Variants in EYS observed in about 807,000 individuals in gnomAD.
EYS encodes EGF-like photoreceptor maintenance factor.
In EYS, 250 loss-of-function variants were observed where a neutral mutation model predicts 282.1. The observed-to-expected ratio is 0.89, with a 90% CI of 0.80 to 0.98. EYS has a LOEUF of 0.98. EYS is among the 50% of genes least tolerant of loss of function. The probability of loss-of-function intolerance (pLI) is 0.00; values close to 1 mark genes in which losing one functional copy is unlikely to be tolerated. For missense variants in EYS, 4,016 were observed against 3,709.0 expected (o/e 1.08, Z -2.15); for synonymous variants, 1,355 against 1,282.9 (o/e 1.06, Z -1.20).
At chr6:64,249,131 A>G (rs1226409811) in intron 30 of EYS, among the ~76,000 whole-genome samples, 1 of 151,978 alleles carries the variant, frequency 6.6e-6, no homozygotes, top group Non-Finnish European at 1.5e-5. Flanking sequence ...CACAATATCA[A>G]AAATATAGAA....
chr6:65,188,305 G>A (rs1381748799), intron 12 of EYS, among the ~76,000 whole-genome samples: 1 of 151,426 alleles, frequency 6.6e-6, no homozygotes, highest in African/African-American at 2.4e-5. Flanking sequence ...AAAAGTTAAT[G>A]GAAATAAAAA....
At chr6:64,261,067 A>T (rs1300019412) in intron 30 of EYS, among the ~76,000 whole-genome samples, 1 of 152,024 alleles carries the variant, frequency 6.6e-6, no homozygotes, top group African/African-American at 2.4e-5. Context: ...TAAAATACAC[A>T]ATAAATTATT....
At chr6:64,702,783 CAT>C (rs1770836108) in intron 22 of EYS, among the ~76,000 whole-genome samples, 1 of 152,090 alleles carries the variant, frequency 6.6e-6, no homozygotes, top group Non-Finnish European at 1.5e-5. Flanking sequence ...TGAATACAGA[CAT>C]AAATATTTAA....
intron 31 of EYS, among the ~76,000 whole-genome samples, chr6:64,196,724 TCA>T (rs1765299918): frequency 7.7e-6 from 1 of 130,566 alleles, no homozygotes; most frequent in Admixed American, 8.9e-5. Flanking sequence ...AAGGGGAACA[TCA>T]CACTCTGGGG....
At chr6:65,572,540 T>G (rs537779731) in intron 2 of EYS, among the ~76,000 whole-genome samples, 95 of 152,272 alleles carry the variant, frequency 6.2e-4, no homozygotes, top group South Asian at 2.5e-3. Context: ...TTTTATCATA[T>G]GCAGGGGAAA....
intron 1 of EYS, among the ~76,000 whole-genome samples, chr6:65,649,660 G>C (rs1767582800): frequency 6.6e-6 from 1 of 152,062 alleles, no homozygotes; most frequent in Non-Finnish European, 1.5e-5. Flanking sequence ...TTAGACCATT[G>C]ATGAGTTCGC....
intron 35 of EYS, among the ~76,000 whole-genome samples, chr6:63,965,613 G>A (rs1766269152): frequency 6.6e-6 from 1 of 152,138 alleles, no homozygotes; most frequent in African/African-American, 2.4e-5. Context: ...CATGAGTAAA[G>A]AGCTTTTTCT....
At chr6:64,237,124 G>A (rs1312861485) in intron 30 of EYS, among the ~76,000 whole-genome samples, 1 of 151,814 alleles carries the variant, frequency 6.6e-6, no homozygotes, top group Non-Finnish European at 1.5e-5. Flanking sequence ...CAAATTTTTT[G>A]CTGTTTAACA....
chr6:65,106,946 T>C (rs1775057295), intron 12 of EYS, among the ~76,000 whole-genome samples: 1 of 152,024 alleles, frequency 6.6e-6, no homozygotes, highest in Admixed American at 6.6e-5. Context: ...TTAATATTAT[T>C]TATCCTCACA....
intron 5 of EYS, among the ~76,000 whole-genome samples, chr6:65,441,687 C>T (rs1768334307): frequency 1.3e-5 from 2 of 151,962 alleles, no homozygotes; most frequent in African/African-American, 4.8e-5. Context: ...GCAAAGTCAA[C>T]CTACAAAATA....
intron 26 of EYS, among the ~76,000 whole-genome samples, chr6:64,499,888 T>C (rs1169515971): frequency 6.6e-6 from 1 of 152,178 alleles, no homozygotes; most frequent in Non-Finnish European, 1.5e-5. Context: ...CCGTGCTCAT[T>C]GAAGAGGCCT....
At chr6:63,884,236 A>G (rs1773206725) in intron 35 of EYS, among the ~76,000 whole-genome samples, 1 of 152,226 alleles carries the variant, frequency 6.6e-6, no homozygotes, top group South Asian at 2.1e-4. Flanking sequence ...CATGCATTTG[A>G]AACAGTCTCT....
At chr6:64,619,882 A>C (rs1255175325) in intron 23 of EYS, among the ~76,000 whole-genome samples, 2 of 152,168 alleles carry the variant, frequency 1.3e-5, no homozygotes, top group African/African-American at 2.4e-5. Context: ...TCAAAGAGAC[A>C]GAGAAATAAT....
At chr6:64,831,234 T>C (rs1765204530) in intron 19 of EYS, among the ~76,000 whole-genome samples, 1 of 152,018 alleles carries the variant, frequency 6.6e-6, no homozygotes, top group Non-Finnish European at 1.5e-5. Context: ...CTTTTAAATT[T>C]TTTTGTCAAA....
intron 22 of EYS, among the ~76,000 whole-genome samples, chr6:64,677,330 T>A (rs1302863170): frequency 2.6e-5 from 4 of 152,092 alleles, no homozygotes; most frequent in Admixed American, 1.3e-4. Context: ...ACTGGTTTTT[T>A]AAAAAAACGC....
At chr6:64,690,469 T>C (rs138299792) in intron 22 of EYS, among the ~76,000 whole-genome samples, 1,747 of 152,234 alleles carry the variant, frequency 0.011, 25 homozygotes, top group Non-Finnish European at 0.018. Context: ...CCAAAGATCC[T>C]ATTATTGGGT....
At chr6:65,276,434 CACTT>C (rs1322460562) in intron 12 of EYS, among the ~76,000 whole-genome samples, 2 of 151,788 alleles carry the variant, frequency 1.3e-5, no homozygotes, top group Non-Finnish European at 2.9e-5. Context: ...AGATTCCTGA[CACTT>C]AGTTAAGACT....
At chr6:64,117,155 A>T (rs1381843862) in intron 31 of EYS, among the ~76,000 whole-genome samples, 1 of 152,062 alleles carries the variant, frequency 6.6e-6, no homozygotes, top group East Asian at 1.9e-4. Flanking sequence ...TCCAGCATAG[A>T]TTGTATTTTA....
chr6:64,099,776 T>C (rs1214458783), intron 31 of EYS, among the ~76,000 whole-genome samples: 1 of 152,172 alleles, frequency 6.6e-6, no homozygotes, highest in Non-Finnish European at 1.5e-5. Flanking sequence ...AAGTTACTGC[T>C]AGCTGGTGGG....
Sources: gnomAD v4.1 joint callset for allele counts (sites outside exome capture counted in the v4.1 genomes callset) on GRCh38, gnomAD v4.1.1 for gene constraint, MANE v1.5 for transcripts, NCBI Gene and HGNC (gene_info 2026-07-23, HGNC 2026-07-21) for gene names.